The following IL1RAPL2 variants were observed in gnomAD, a reference collection of about 807,000 sequenced individuals.
IL1RAPL2 encodes the protein X-linked interleukin-1 receptor accessory protein-like 2.
A neutral mutation model predicts 44.1 loss-of-function variants in IL1RAPL2; 3 were observed. The ratio of observed to expected loss-of-function variants is 0.07; its 90% CI spans 0.03 to 0.18. The LOEUF is 0.18. Ranked by LOEUF, IL1RAPL2 falls within the 10% of genes least tolerant of loss-of-function variation. The probability of loss-of-function intolerance (pLI) is 1.00; values close to 1 mark genes in which losing one functional copy is unlikely to be tolerated. For missense variants in IL1RAPL2, 391 were observed against 496.4 expected (o/e 0.79, Z 2.02); for synonymous variants, 181 against 178.8 (o/e 1.01, Z -0.10).
Position 104,940,032 on chromosome X carries a change from T to C in IL1RAPL2, c.83-255443T>C, listed in dbSNP as rs374520246. 1.5e-3 allele frequency among the ~76,000 whole-genome samples: 163 copies of C among 111,699 alleles called. 1 individual carries two copies. The highest frequency in any genetic ancestry group is 4.9e-3 in the African/African-American group (151 of 30,793). ...AAAATTGGCTGTAGTGATAGTTGCATGTATCTGTGAATATACTAAAAACAT... is the reference window on the plus strand; with the variant it reads ...AAAATTGGCTGTAGTGATAGTTGCACGTATCTGTGAATATACTAAAAACAT... On this transcript the variant is annotated intron_variant, in intron 2 of 10. Transcript: ENST00000372582.
At chrX:104,814,031 C>T (rs778130348) in intron 2 of IL1RAPL2, among the ~76,000 whole-genome samples, 1 of 110,792 alleles carries the variant, frequency 9.0e-6, no homozygotes, top group South Asian at 3.9e-4. Flanking sequence ...AAATTTGTTC[C>T]ATCTCTTTTA....
At chrX:105,218,524 A>G (rs782344222) in intron 3 of IL1RAPL2, among the ~76,000 whole-genome samples, 4 of 111,358 alleles carry the variant, frequency 3.6e-5, no homozygotes, top group African/African-American at 1.3e-4. Context: ...TAAGGCCTAG[A>G]TGCGAGTAGA....
intron 3 of IL1RAPL2, among the ~76,000 whole-genome samples, chrX:105,225,847 C>T (rs892632045): frequency 7.3e-5 from 8 of 109,498 alleles, no homozygotes; most frequent in Non-Finnish European, 1.1e-4. Flanking sequence ...CCATCATACC[C>T]GGCTAATTTT....
chrX:105,538,032 CTTTTTTTTTTT>C (rs1191360462), intron 6 of IL1RAPL2, among the ~76,000 whole-genome samples: 1 of 80,760 alleles, frequency 1.2e-5, no homozygotes, highest in Non-Finnish European at 2.2e-5. Flanking sequence ...ATTTTCCCTT[CTTTTTTTTTTT>C]TTTTTTTTTT....
chrX:104,738,058 A>G (rs1029305724), intron 2 of IL1RAPL2, among the ~76,000 whole-genome samples: 2 of 112,104 alleles, frequency 1.8e-5, no homozygotes, highest in Non-Finnish European at 3.8e-5. Context: ...TGTTTCTTTC[A>G]TTCAAATTGA....
intron 2 of IL1RAPL2, among the ~76,000 whole-genome samples, chrX:105,035,401 G>A (rs2031610695): frequency 8.9e-6 from 1 of 111,895 alleles, no homozygotes; most frequent in South Asian, 3.7e-4. Context: ...CTTATGTTAA[G>A]TGTCTTATTA....
At chrX:105,361,674 A>C (rs2035248718) in intron 5 of IL1RAPL2, among the ~76,000 whole-genome samples, 1 of 110,953 alleles carries the variant, frequency 9.0e-6, no homozygotes, top group African/African-American at 3.3e-5. Context: ...GTGTTAAGCC[A>C]CTAAACTCTC....
chrX:105,009,837 T>C (rs780438000), intron 2 of IL1RAPL2, among the ~76,000 whole-genome samples: 1 of 111,194 alleles, frequency 9.0e-6, no homozygotes, highest in East Asian at 2.9e-4. Flanking sequence ...ACTGTGTGTT[T>C]AATGGAGTAT....
At chrX:105,460,833 G>A (rs896366221) in intron 5 of IL1RAPL2, among the ~76,000 whole-genome samples, 2 of 111,246 alleles carry the variant, frequency 1.8e-5, no homozygotes, top group African/African-American at 6.5e-5. Context: ...GTCACCTATC[G>A]ATCCAAATAC....
chrX:104,697,045 CTT>C (rs1931193959), intron 2 of IL1RAPL2, among the ~76,000 whole-genome samples: 1 of 112,504 alleles, frequency 8.9e-6, no homozygotes, highest in African/African-American at 3.2e-5. Flanking sequence ...AGTTTATAGA[CTT>C]TGTAACTAAA....
intron 5 of IL1RAPL2, among the ~76,000 whole-genome samples, chrX:105,402,564 C>T (rs1345172720): frequency 9.0e-6 from 1 of 111,557 alleles, no homozygotes; most frequent in Non-Finnish European, 1.9e-5. Flanking sequence ...AACAAAACCA[C>T]TGAGAATACA....
intron 2 of IL1RAPL2, among the ~76,000 whole-genome samples, chrX:104,828,733 C>A (rs1000521267): frequency 8.9e-6 from 1 of 112,467 alleles, no homozygotes; most frequent in African/African-American, 3.2e-5. Context: ...CCCACAGCCG[C>A]CCCCTCCCCC....
chrX:104,672,051 T>A (rs972737736), intron 2 of IL1RAPL2, among the ~76,000 whole-genome samples: 5 of 111,882 alleles, frequency 4.5e-5, no homozygotes, highest in African/African-American at 1.6e-4. Flanking sequence ...ATGAACTAGC[T>A]AAGAACAGAG....
rs187107357 is a variant in IL1RAPL2, at chrX:104,713,432, A to G, written c.82+54437A>G. On this transcript the variant is annotated intron_variant, in intron 2 of 10. Coordinates refer to ENST00000372582, the MANE Select transcript of IL1RAPL2 (RefSeq NM_017416.2). The stretch of plus-strand genomic sequence containing the variant: ...ATTACTTGAAATTGTTTAAAATGTA[A>G]TCCCTTCCACCTTACTCTTGTTTTC... Among the ~76,000 whole-genome samples, 86 of 110,760 alleles carry G rather than the reference A, an allele frequency of 7.8e-4. 1 individual carries two copies. The highest frequency in any genetic ancestry group is 1.0e-3 in the Non-Finnish European group (55 of 52,729).
chrX:105,051,234 G>A (rs778481950), intron 2 of IL1RAPL2, among the ~76,000 whole-genome samples: 18 of 82,919 alleles, frequency 2.2e-4, no homozygotes, highest in Non-Finnish European at 3.5e-4. Flanking sequence ...CAGAGCAGGC[G>A]CCAGGAGAAG....
intron 5 of IL1RAPL2, among the ~76,000 whole-genome samples, chrX:105,326,784 A>T (rs2034942679): frequency 9.0e-6 from 1 of 111,418 alleles, no homozygotes; most frequent in African/African-American, 3.3e-5. Context: ...GTAACTTTAT[A>T]GTACTTTTTG....
intron 5 of IL1RAPL2, among the ~76,000 whole-genome samples, chrX:105,294,367 G>A (rs1246187852): frequency 1.6e-4 from 18 of 112,169 alleles, no homozygotes; most frequent in African/African-American, 5.8e-4. Flanking sequence ...TTTGTGTTTT[G>A]AGTCCCTTGT....
intron 1 of IL1RAPL2, among the ~76,000 whole-genome samples, chrX:104,577,143 T>G (rs916538713): frequency 2.7e-5 from 3 of 112,100 alleles, no homozygotes; most frequent in Non-Finnish European, 5.6e-5. Context: ...TAGTGTTTTG[T>G]TCAAAGTGAG....
At chrX:104,584,610 T>A (rs1443257499) in intron 1 of IL1RAPL2, among the ~76,000 whole-genome samples, 1 of 111,071 alleles carries the variant, frequency 9.0e-6, no homozygotes, top group Non-Finnish European at 1.9e-5. Flanking sequence ...ACCCAAATGT[T>A]GAAAAGCTCC....
Sources: gnomAD v4.1 joint callset for allele counts (sites outside exome capture counted in the v4.1 genomes callset) on GRCh38, gnomAD v4.1.1 for gene constraint, MANE v1.5 for transcripts, NCBI Gene and HGNC (gene_info 2026-07-23, HGNC 2026-07-21) for gene names.